Variants in NCBP1 observed in about 807,000 individuals in gnomAD.
NCBP1 encodes the protein nuclear cap binding protein subunit 1.
Under a neutral mutation model 111.7 loss-of-function variants are expected in NCBP1, and 16 were observed. The observed-to-expected ratio is 0.14, with a 90% CI of 0.10 to 0.22. NCBP1 has a LOEUF of 0.22. Ranked by LOEUF, NCBP1 falls within the 10% of genes least tolerant of loss-of-function variation. The pLI is 1.00. For missense variants in NCBP1, 607 were observed against 957.5 expected (o/e 0.63, Z 4.83); for synonymous variants, 304 against 314.3 (o/e 0.97, Z 0.35).
At chr9:97,655,319 T>G (rs1036027868) in intron 12 of NCBP1, among the ~76,000 whole-genome samples, 3 of 152,188 alleles carry the variant, frequency 2.0e-5, no homozygotes, top group Admixed American at 1.3e-4. Context: ...CAAGCAATCC[T>G]CCTGCCTTAG....
In NCBP1 at chr9:97,671,451, TTTG is replaced by T. The variant is rs1379183352; in HGVS notation, c.*255_*257del. 3 of 372,546 alleles carry T rather than the reference TTTG, an allele frequency of 8.1e-6. No individual in the cohort carries two copies. The highest frequency in any genetic ancestry group is 1.5e-5 in the Non-Finnish European group (3 of 205,024). 23.1% of individuals were successfully genotyped at this position (372,546 alleles called of 1,614,324 possible). ...ACAGATACAAATTCTCTGTGATCAG[TTTG>T]TTATTTTTTTTCTCCTTAAGGCACA... On this transcript the variant is annotated 3_prime_UTR_variant, in exon 23 of 23. Coordinates refer to ENST00000375147, the MANE Select transcript of NCBP1 (RefSeq NM_002486.5).
At chr9:97,667,281 G>GT (rs1362359330) in intron 20 of NCBP1, among the ~76,000 whole-genome samples, 1 of 152,136 alleles carries the variant, frequency 6.6e-6, no homozygotes, top group Non-Finnish European at 1.5e-5. Flanking sequence ...TCATTCCCAA[G>GT]TTAACGGAAT....
chr9:97,634,226 C>G (rs1460193775), intron 1 of NCBP1, among the ~76,000 whole-genome samples: 1 of 152,224 alleles, frequency 6.6e-6, no homozygotes, highest in South Asian at 2.1e-4. Flanking sequence ...GGGAAGCACA[C>G]CTGTGTCTGT....
chr9:97,670,618 C>G (rs1429586286), intron 22 of NCBP1, among the ~76,000 whole-genome samples: 2 of 152,242 alleles, frequency 1.3e-5, no homozygotes, highest in African/African-American at 4.8e-5. Context: ...TTAACAGTCT[C>G]TAGTCCTATA....
intron 22 of NCBP1, 32 bp downstream of exon 22, chr9:97,669,738 C>A: frequency 2.2e-6 from 3 of 1,376,194 alleles, no homozygotes; most frequent in Non-Finnish European, 3.1e-6. Context: ...GGTAATAACA[C>A]TATTCTCAGC....
chr9:97,649,480 G>C (rs995872091), intron 8 of NCBP1, among the ~76,000 whole-genome samples: 3 of 152,038 alleles, frequency 2.0e-5, no homozygotes, highest in African/African-American at 7.2e-5. Flanking sequence ...AGTCAAATTT[G>C]AGTTTCTTCT....
chr9:97,636,022 T>G (rs1400220264), intron 1 of NCBP1: 1 of 152,190 alleles, frequency 6.6e-6, no homozygotes, highest in South Asian at 2.1e-4. Flanking sequence ...CACTGTCCAT[T>G]TGGGTCTTGC....
rs561140879 is a variant in NCBP1, at chr9:97,658,599, C to G, written c.1374-41C>G. On this transcript the variant is annotated intron_variant, in intron 14 of 22. Coordinates refer to ENST00000375147, the MANE Select transcript of NCBP1 (RefSeq NM_002486.5). ...AGTCGGGTGTTACCGAAGAATGGGACTGATAAAAGATATTTTCTGAGGCTG... is the reference window on the plus strand; with the variant it reads ...AGTCGGGTGTTACCGAAGAATGGGAGTGATAAAAGATATTTTCTGAGGCTG... 1.6e-5 allele frequency: 23 copies of G among 1,463,356 alleles called. No homozygotes were observed. The African/African-American group carries it at 3.2e-4, about 21-fold the overall frequency. The allele number at this position is 1,463,356 out of a possible 1,614,324, so 90.6% of individuals were successfully genotyped here. A position where few individuals can be genotyped will look rare whatever the true frequency, so the allele number is the denominator to read the frequency against.
chr9:97,668,933 G>T lies in NCBP1; in HGVS notation c.2104G>T (p.Ala702Ser), dbSNP rs1828093924. ...ACGACTTCAGGAAAAAGTGGAATCT[G>T]CTCAGAGTGAACAAAAGAATCTTTT... ...IERLQEKVESAQSEQKNLFLV... is the reference protein window; with the variant it reads ...IERLQEKVESSQSEQKNLFLV... Residue 702 changes from alanine (A) to serine (S), a missense_variant, in exon 21 of 23, where the codon GCT becomes TCT. Around this residue, in one of 9 missense-constraint regions of NCBP1, gnomAD observed 282 missense variants for 376.5 expected, o/e 0.75. Coordinates refer to ENST00000375147, the MANE Select transcript of NCBP1 (RefSeq NM_002486.5). 3 of 1,612,882 alleles carry T rather than the reference G, an allele frequency of 1.9e-6. No homozygotes were observed. The South Asian group carries it at 3.3e-5, about 18-fold the overall frequency.
chr9:97,661,489 G>C (rs1181400603), intron 16 of NCBP1, among the ~76,000 whole-genome samples: 1 of 152,130 alleles, frequency 6.6e-6, no homozygotes, highest in Non-Finnish European at 1.5e-5. Context: ...CTGGGCAAGA[G>C]TGGGAAAATT....
chr9:97,668,885 G>A lies in NCBP1; in HGVS notation c.2056G>A (p.Gly686Arg), dbSNP rs1828091728. The A allele has an allele frequency of 2.5e-6, 4 of 1,612,898 alleles. No homozygotes were observed. The highest frequency in any genetic ancestry group is 3.4e-6 in the Non-Finnish European group (4 of 1,179,266). Residue 686 changes from glycine to arginine, a missense_variant, in exon 21 of 23, where the codon GGG becomes AGG. By Grantham distance (125) the Gly-to-Arg change is moderately radical. Coordinates refer to ENST00000375147, the MANE Select transcript of NCBP1 (RefSeq NM_002486.5). ...CGACAGAAGCAGTGACAGGAAAGAC[G>A]GGGTTCTTGAGGAACAAATAGAACG... ...DDDRSSDRKD[G>R]VLEEQIERLQ...
intron 1 of NCBP1, among the ~76,000 whole-genome samples, chr9:97,639,965 T>C (rs1222180935): frequency 6.6e-6 from 1 of 152,202 alleles, no homozygotes; most frequent in African/African-American, 2.4e-5. Context: ...TCGAATGATA[T>C]GGTTTTTAAA....
intron 1 of NCBP1, among the ~76,000 whole-genome samples, chr9:97,637,841 AC>A (rs1156556012): frequency 1.3e-5 from 2 of 152,208 alleles, no homozygotes; most frequent in Admixed American, 6.5e-5. Context: ...TATAAGATGT[AC>A]AGTGTACCCG....
intron 12 of NCBP1, 147 bp downstream of exon 12, chr9:97,655,091 C>T (rs953352140): frequency 3.6e-6 from 2 of 554,822 alleles, no homozygotes; most frequent in African/African-American, 3.9e-5. Context: ...TAACCAGACT[C>T]ATACTTAATG....
chr9:97,645,836 G>T, intron 6 of NCBP1, 104 bp downstream of exon 6: 2 of 1,351,002 alleles, frequency 1.5e-6, no homozygotes, highest in Middle Eastern at 2.0e-4. Flanking sequence ...GTTCCTGAAG[G>T]TATTTTCTAG....
intron 3 of NCBP1, 80 bp from the exon 4 acceptor site, chr9:97,643,124 G>GAT: frequency 7.3e-7 from 1 of 1,377,722 alleles, no homozygotes; most frequent in Non-Finnish European, 9.8e-7. Flanking sequence ...TTAATGGAAT[G>GAT]ATAAAAAGAT....
At chr9:97,635,219 T>G (rs1022114035) in intron 1 of NCBP1, among the ~76,000 whole-genome samples, 19 of 152,328 alleles carry the variant, frequency 1.2e-4, no homozygotes, top group African/African-American at 4.6e-4. Context: ...ATCTGACACC[T>G]AAGGGTCTAG....
At chr9:97,667,946 G>A (rs1208048090) in intron 20 of NCBP1, among the ~76,000 whole-genome samples, 3 of 152,146 alleles carry the variant, frequency 2.0e-5, no homozygotes, top group South Asian at 2.1e-4. Flanking sequence ...GTGTACCCAC[G>A]TGTCTAGAAC....
In NCBP1 at chr9:97,634,959, T is replaced by A. The variant is rs74306826; in HGVS notation, c.34+1044T>A. 3.5e-4 allele frequency among the ~76,000 whole-genome samples: 54 copies of A among 152,320 alleles called. 1 individual carries two copies. In the East Asian group the frequency reaches 0.01, roughly 28 times the overall value. ...TGAAGGTTAAATGAGGTAATACACATCAGCAACAATGATGTTTTATCATTT... is the reference window on the plus strand; with the variant it reads ...TGAAGGTTAAATGAGGTAATACACAACAGCAACAATGATGTTTTATCATTT... On this transcript the variant is annotated intron_variant, in intron 1 of 22. Transcript: ENST00000375147.
Sources: allele counts gnomAD v4.1 joint callset (sites outside exome capture counted in the v4.1 genomes callset), GRCh38; gene constraint gnomAD v4.1.1; regional missense constraint gnomAD v4.1.1; transcripts MANE v1.5; gene names NCBI Gene and HGNC (gene_info 2026-07-23, HGNC 2026-07-21).